CDH13: variants seen among roughly 807,000 people sequenced by gnomAD.
The protein encoded by CDH13 is cadherin 13.
CDH13 carries 24 observed loss-of-function variants against 63.8 expected under a neutral mutation model. The observed-to-expected ratio is 0.38, with a 90% CI of 0.27 to 0.53. CDH13 has a LOEUF of 0.53. Ranked by LOEUF, CDH13 falls within the 20% of genes least tolerant of loss-of-function variation. The pLI is 0.85. For synonymous variants in CDH13, 503 were observed against 355.3 expected (o/e 1.42, Z -4.67); for missense variants, 1,049 against 903.1 (o/e 1.16, Z -2.07).
At chr16:82,935,962 G>A (rs56201418) in intron 2 of CDH13, among the ~76,000 whole-genome samples, 1 of 152,068 alleles carries the variant, frequency 6.6e-6, no homozygotes, top group Non-Finnish European at 1.5e-5. Flanking sequence ...TAAAGAGGCA[G>A]TGTCTGATTT....
At chr16:83,634,102 A>AT (rs1301246288) in intron 8 of CDH13, among the ~76,000 whole-genome samples, 1 of 140,156 alleles carries the variant, frequency 7.1e-6, no homozygotes, top group Non-Finnish European at 1.5e-5. Context: ...GTCTCCACCC[A>AT]TTTTTGTGTG....
chr16:83,038,769 G>C (rs558855214), intron 3 of CDH13, among the ~76,000 whole-genome samples: 5 of 152,154 alleles, frequency 3.3e-5, no homozygotes, highest in Admixed American at 1.3e-4. Flanking sequence ...ATATAAATGG[G>C]ATTCAACAAC....
chr16:82,649,198 G>T (rs1002088950), intron 1 of CDH13, among the ~76,000 whole-genome samples: 2 of 152,160 alleles, frequency 1.3e-5, no homozygotes, highest in African/African-American at 4.8e-5. Flanking sequence ...CATAATAGAA[G>T]ATTAGAGAAA....
At chr16:82,740,675 A>C (rs930633695) in intron 1 of CDH13, among the ~76,000 whole-genome samples, 2 of 152,168 alleles carry the variant, frequency 1.3e-5, no homozygotes, top group African/African-American at 4.8e-5. Flanking sequence ...CTTCGGAAAC[A>C]TTCTTTTCCT....
chr16:82,954,033 A>T (rs1905682931), intron 2 of CDH13: 1 of 152,028 alleles, frequency 6.6e-6, no homozygotes, highest in Admixed American at 6.5e-5. Context: ...CAGATAGTTT[A>T]TTTGGGAGGT....
Position 83,556,123 on chromosome 16 carries a change from A to G in CDH13, c.961-46331A>G, listed in dbSNP as rs1176580719. On this transcript the variant is annotated intron_variant, in intron 7 of 13. Coordinates refer to ENST00000567109, the MANE Select transcript of CDH13 (RefSeq NM_001257.5). ...GGCACAGTATAAAAGTTAGTCTTTC[A>G]TGTTGTGTCTGCCTGCAGCAGCGTT... 2.6e-5 allele frequency among the ~76,000 whole-genome samples: 4 copies of G among 152,156 alleles called. No individual in the cohort carries two copies. The South Asian group carries it at 8.3e-4, about 32-fold the overall frequency.
intron 3 of CDH13, among the ~76,000 whole-genome samples, chr16:83,046,993 A>G (rs926769700): frequency 1.3e-5 from 2 of 152,182 alleles, no homozygotes; most frequent in African/African-American, 4.8e-5. Flanking sequence ...TGGTTTCCTC[A>G]ACTGTCTATC....
At chr16:83,312,017 G>A (rs2151886372) in intron 5 of CDH13, among the ~76,000 whole-genome samples, 1 of 142,320 alleles carries the variant, frequency 7.0e-6, no homozygotes, top group Non-Finnish European at 1.5e-5. Flanking sequence ...AAGTTGCAGT[G>A]AGCTGAGATT....
At chr16:82,872,277 G>C (rs991191969) in intron 2 of CDH13, among the ~76,000 whole-genome samples, 1 of 152,200 alleles carries the variant, frequency 6.6e-6, no homozygotes, top group Non-Finnish European at 1.5e-5. Flanking sequence ...TGATGCTGGT[G>C]AGCAGATTGC....
intron 1 of CDH13, among the ~76,000 whole-genome samples, chr16:82,779,790 T>G (rs1316483138): frequency 6.6e-6 from 1 of 151,980 alleles, no homozygotes; most frequent in Admixed American, 6.6e-5. Context: ...CAGGTAGTGG[T>G]AGAAAGATTT....
intron 7 of CDH13, among the ~76,000 whole-genome samples, chr16:83,560,739 C>A (rs976676544): frequency 6.6e-6 from 1 of 152,228 alleles, no homozygotes; most frequent in African/African-American, 2.4e-5. Context: ...TGCCTTGCTA[C>A]CTAGTTACTA....
At chr16:82,861,742 C>T (rs2039954691) in intron 2 of CDH13, among the ~76,000 whole-genome samples, 1 of 152,144 alleles carries the variant, frequency 6.6e-6, no homozygotes, top group African/African-American at 2.4e-5. Context: ...ACTCTTTATT[C>T]TACTCTCCTT....
chr16:82,920,036 G>C (rs924798314), intron 2 of CDH13, among the ~76,000 whole-genome samples: 1 of 152,118 alleles, frequency 6.6e-6, no homozygotes. Flanking sequence ...TGTTAGTCAG[G>C]GCCTTTGCTA....
intron 8 of CDH13, among the ~76,000 whole-genome samples, chr16:83,627,899 G>A (rs1228282071): frequency 1.3e-5 from 2 of 152,212 alleles, no homozygotes; most frequent in Non-Finnish European, 2.9e-5. Flanking sequence ...TAAACAAGGA[G>A]CAGATTATTC....
intron 5 of CDH13, among the ~76,000 whole-genome samples, chr16:83,230,137 C>T (rs1187683431): frequency 6.6e-6 from 1 of 152,172 alleles, no homozygotes; most frequent in Non-Finnish European, 1.5e-5. Context: ...GCTGGCATTT[C>T]ACAATTAGTC....
intron 5 of CDH13, among the ~76,000 whole-genome samples, chr16:83,238,113 T>G (rs1904278853): frequency 6.6e-6 from 1 of 152,284 alleles, no homozygotes; most frequent in African/African-American, 2.4e-5. Context: ...GGATCCCTTT[T>G]TCCTACAAGT....
chr16:83,145,405 C>G (rs189958650), intron 4 of CDH13, among the ~76,000 whole-genome samples: 2 of 152,234 alleles, frequency 1.3e-5, no homozygotes, highest in African/African-American at 4.8e-5. Context: ...TTTTGAAGAC[C>G]AGGGGCTTTT....
chr16:82,719,845 CAAAAAAA>C (rs34017657), intron 1 of CDH13, among the ~76,000 whole-genome samples: 1 of 88,204 alleles, frequency 1.1e-5, no homozygotes. Context: ...GACTCTGTCT[CAAAAAAA>C]AAAAAAAAAA....
chr16:83,006,601 T>C (rs985778005), intron 2 of CDH13, among the ~76,000 whole-genome samples: 13 of 152,286 alleles, frequency 8.5e-5, no homozygotes, highest in African/African-American at 2.6e-4. Context: ...ATGAGGGTTA[T>C]TCACTTTTGT....
Sources: allele counts gnomAD v4.1 joint callset (sites outside exome capture counted in the v4.1 genomes callset), GRCh38; gene constraint gnomAD v4.1.1; transcripts MANE v1.5; gene names NCBI Gene and HGNC (gene_info 2026-07-23, HGNC 2026-07-21).